TMC5: variants seen among roughly 807,000 people sequenced by gnomAD.
The protein encoded by TMC5 is transmembrane channel-like protein 5.
A neutral mutation model predicts 110.5 loss-of-function variants in TMC5; 86 were observed. The ratio of observed to expected loss-of-function variants is 0.78; its 90% CI spans 0.65 to 0.93. TMC5 has a LOEUF of 0.93. Ranked by LOEUF, TMC5 falls within the 40% of genes least tolerant of loss-of-function variation. The pLI, the probability that TMC5 is intolerant of heterozygous loss-of-function variation, is 0.00. For synonymous variants in TMC5, 455 were observed against 439.5 expected (o/e 1.04, Z -0.44); for missense variants, 1,144 against 1,222.8 (o/e 0.94, Z 0.96).
chr16:19,471,082 T>A (rs1968328973), intron 10 of TMC5, among the ~76,000 whole-genome samples: 1 of 148,150 alleles, frequency 6.7e-6, no homozygotes, highest in Admixed American at 6.8e-5. Context: ...AAAGGGGCTT[T>A]AAATTTTTTT....
At chr16:19,478,647 C>T (rs1192783673) in intron 13 of TMC5, among the ~76,000 whole-genome samples, 1 of 152,130 alleles carries the variant, frequency 6.6e-6, no homozygotes, top group Non-Finnish European at 1.5e-5. Context: ...TGTATTCATC[C>T]ATCCATTTAT....
chr16:19,422,242 AGAG>A lies in TMC5; in HGVS notation c.-308+4151_-308+4153del, dbSNP rs1232277660. 6.8e-5 allele frequency among the ~76,000 whole-genome samples: 10 copies of A among 148,050 alleles called. 1 individual carries two copies. Among genetic ancestry groups the A allele is most frequent in the African/African-American group, 2.5e-4 (10 of 39,274 alleles). ...CTAGACTCCATTTCAAAAAAAAAAA[AGAG>A]AGAGAGAGAGAAGACAGAATTTGCT... On this transcript the variant is annotated intron_variant, in intron 1 of 21. Coordinates refer to ENST00000542583, the MANE Select transcript of TMC5 (RefSeq NM_001261841.2).
At chr16:19,485,450 C>A (rs1968716706) in intron 15 of TMC5, among the ~76,000 whole-genome samples, 1 of 152,136 alleles carries the variant, frequency 6.6e-6, no homozygotes. Context: ...GTGCCTGCCA[C>A]CACGCCCAGC....
intron 4 of TMC5, among the ~76,000 whole-genome samples, chr16:19,445,021 C>T (rs1246888579): frequency 6.6e-6 from 1 of 152,060 alleles, no homozygotes; most frequent in East Asian, 1.9e-4. Context: ...ATGCCATACT[C>T]GGGAGGCTAA....
At chr16:19,480,221 GAATT>G (rs1408284748) in intron 14 of TMC5, among the ~76,000 whole-genome samples, 3 of 151,426 alleles carry the variant, frequency 2.0e-5, no homozygotes, top group Admixed American at 6.6e-5. Context: ...TGTTTTAATT[GAATT>G]AATGTATTAA....
chr16:19,453,588 CAAAA>C (rs956204210), intron 5 of TMC5, among the ~76,000 whole-genome samples: 3 of 118,562 alleles, frequency 2.5e-5, no homozygotes, highest in Non-Finnish European at 3.6e-5. Flanking sequence ...GACTCTGTCT[CAAAA>C]AAAAAAAAAA....
intron 6 of TMC5, among the ~76,000 whole-genome samples, chr16:19,462,152 G>T (rs75628217): frequency 6.6e-6 from 1 of 152,154 alleles, no homozygotes; most frequent in Non-Finnish European, 1.5e-5. Flanking sequence ...ACTCTGTATG[G>T]CTGCCTCTGT....
Position 19,463,818 on chromosome 16 carries a change from T to C in TMC5, c.1279T>C (p.Ser427Pro). 6.2e-7 allele frequency: 1 copy of C among 1,614,208 alleles called. No homozygotes were observed. Among genetic ancestry groups the C allele is most frequent in the Non-Finnish European group, 8.5e-7 (1 of 1,180,016 alleles). The change falls in exon 8 of 22, where the codon TCC (serine) becomes CCC (proline). Residue 427 changes from serine to proline, a missense_variant. Physicochemically the swap from Ser to Pro is moderately conservative, Grantham distance 74 (BLOSUM62 -1). Coordinates refer to ENST00000542583, the MANE Select transcript of TMC5 (RefSeq NM_001261841.2). ...SKNSLSEILN[S>P]ISLWQKTLKI... ...GAACAGCCTGTCGGAAATTCTGAAT[T>C]CCATCAGCCTGTGGCAGAAGACGCT...
chr16:19,492,272 T>A, intron 19 of TMC5, 44 bp downstream of exon 19: 1 of 1,427,258 alleles, frequency 7.0e-7, no homozygotes, highest in Non-Finnish European at 9.9e-7. Flanking sequence ...TCACCCTTTT[T>A]AAACGCTGTA....
chr16:19,429,048 A>G (rs764619725), intron 1 of TMC5, among the ~76,000 whole-genome samples: 13 of 152,114 alleles, frequency 8.5e-5, no homozygotes, highest in Non-Finnish European at 1.6e-4. Context: ...CTGGTCTCCA[A>G]TTCCTGGCCT....
At chr16:19,461,329 A>T (rs1224615806) in intron 6 of TMC5, among the ~76,000 whole-genome samples, 1 of 152,178 alleles carries the variant, frequency 6.6e-6, no homozygotes, top group East Asian at 1.9e-4. Context: ...TAATCCCAGC[A>T]CTTTCGGAGG....
Position 19,440,484 on chromosome 16 carries a change from C to T in TMC5, c.446C>T (p.Ser149Phe). ...AGCAGCAGTGGAAACTATGCAGGCTCCAGAACACATCCAGATCATTTTGGC... is the reference window on the plus strand; with the variant it reads ...AGCAGCAGTGGAAACTATGCAGGCTTCAGAACACATCCAGATCATTTTGGC... ...GSSSSGNYAG[S>F]RTHPDHFGSL... is the part of the protein sequence containing the mutation. The change falls in exon 3 of 22, where the codon TCC becomes TTC. Residue 149 changes from serine (S) to phenylalanine (F), a missense_variant. By Grantham distance (155) the Ser-to-Phe change is radical. Coordinates refer to ENST00000542583, the MANE Select transcript of TMC5 (RefSeq NM_001261841.2). The T allele has an allele frequency of 1.2e-6, 2 of 1,614,148 alleles. No individual in the cohort carries two copies. The highest frequency in any genetic ancestry group is 1.7e-6 in the Non-Finnish European group (2 of 1,180,028).
At chr16:19,434,688 T>C (rs1967303012) in intron 2 of TMC5, among the ~76,000 whole-genome samples, 2 of 151,978 alleles carry the variant, frequency 1.3e-5, no homozygotes, top group Non-Finnish European at 2.9e-5. Flanking sequence ...CTCACTCCTA[T>C]CTCTTTTGGA....
At chr16:19,428,770 CAAA>C (rs1967136857) in intron 1 of TMC5, among the ~76,000 whole-genome samples, 1 of 151,994 alleles carries the variant, frequency 6.6e-6, no homozygotes, top group Non-Finnish European at 1.5e-5. Flanking sequence ...AACAAACAAA[CAAA>C]AAGGACAAGA....
chr16:19,415,288 C>T (rs571828903), upstream of TMC5, among the ~76,000 whole-genome samples: 24 of 152,198 alleles, frequency 1.6e-4, no homozygotes, highest in African/African-American at 4.1e-4. Flanking sequence ...CCTTGTCCCA[C>T]GCAATGGAGA....
At chr16:19,413,699 T>C (rs1286608616), upstream of TMC5, among the ~76,000 whole-genome samples, 5 of 152,124 alleles carry the variant, frequency 3.3e-5, no homozygotes, top group African/African-American at 1.2e-4. Context: ...AATCATAGTC[T>C]TTCATGCCTG....
At chr16:19,434,099 T>A (rs1477623918) in intron 2 of TMC5, among the ~76,000 whole-genome samples, 945 of 24,818 alleles carry the variant, frequency 0.038, 24 homozygotes, top group African/African-American at 0.17. Flanking sequence ...ATATCTATAA[T>A]ATATATATTA....
chr16:19,476,655 G>A (rs1968497525), intron 12 of TMC5, among the ~76,000 whole-genome samples: 1 of 152,172 alleles, frequency 6.6e-6, no homozygotes, highest in African/African-American at 2.4e-5. Context: ...TCATTATAAT[G>A]GGAAGTGAAA....
chr16:19,485,390 C>A (rs1048474048), intron 15 of TMC5, among the ~76,000 whole-genome samples: 2 of 152,164 alleles, frequency 1.3e-5, no homozygotes, highest in Non-Finnish European at 2.9e-5. Flanking sequence ...CTTTTCCCAA[C>A]ATCGGCAATC....
Sources: gnomAD v4.1 joint callset for allele counts (sites outside exome capture counted in the v4.1 genomes callset) on GRCh38, gnomAD v4.1.1 for gene constraint, MANE v1.5 for transcripts, NCBI Gene and HGNC (gene_info 2026-07-23, HGNC 2026-07-21) for gene names.